The following CAST variants were observed in gnomAD, a reference collection of about 807,000 sequenced individuals.
CAST encodes the protein MIR583 host.
Under a neutral mutation model 119.6 loss-of-function variants are expected in CAST, and 76 were observed. That is an observed-to-expected ratio of 0.64 (90% CI 0.53 to 0.77). CAST has a LOEUF of 0.77. Ranked by LOEUF, CAST falls within the 30% of genes least tolerant of loss-of-function variation. The pLI, the probability that CAST is intolerant of heterozygous loss-of-function variation, is 0.00. For missense variants in CAST, 953 were observed against 946.5 expected, an observed-to-expected ratio of 1.01 and a Z score of -0.09; for synonymous variants, 319 against 331.6, an observed-to-expected ratio of 0.96 and a Z score of 0.41.
At chr5:96,367,575 G>T in the CAST span, among the ~76,000 whole-genome samples, 1 of 152,136 alleles carries the variant, frequency 6.6e-6, no homozygotes, top group African/African-American at 2.4e-5. Context: ...ATCTCAGACT[G>T]CTGTGCTGGC....
At chr5:96,585,805 C>G (rs1304870480) in intron 1 of CAST, among the ~76,000 whole-genome samples, 1 of 152,124 alleles carries the variant, frequency 6.6e-6, no homozygotes, top group African/African-American at 2.4e-5. Context: ...AAATAATAGC[C>G]AAGCAATGGT....
At chr5:96,210,548 G>A in the CAST span, among the ~76,000 whole-genome samples, 152 of 152,046 alleles carry the variant, frequency 1.0e-3, 4 homozygotes, top group East Asian at 0.026. Context: ...ACTGATATAT[G>A]TGTCTGCCCT....
the CAST span, among the ~76,000 whole-genome samples, chr5:96,092,027 A>G: frequency 6.6e-6 from 1 of 152,186 alleles, no homozygotes; most frequent in Non-Finnish European, 1.5e-5. Flanking sequence ...CACTTGATGA[A>G]TAAATGAGTG....
chr5:95,964,517 G>A, the CAST span, among the ~76,000 whole-genome samples: 1 of 152,194 alleles, frequency 6.6e-6, no homozygotes, highest in African/African-American at 2.4e-5. Context: ...AATTTGGACG[G>A]TGTTGGTGAT....
chr5:96,601,249 T>C (rs1015559397), intron 1 of CAST, among the ~76,000 whole-genome samples: 2 of 152,230 alleles, frequency 1.3e-5, no homozygotes, highest in African/African-American at 4.8e-5. Context: ...GAATTTATTG[T>C]GTCTATCACA....
At chr5:96,453,134 G>A in the CAST span, among the ~76,000 whole-genome samples, 46 of 152,172 alleles carry the variant, frequency 3.0e-4, no homozygotes, top group African/African-American at 8.9e-4. Flanking sequence ...GACCTGCAAG[G>A]TGTGATGAAA....
rs562985393 is a variant in CAST at position 96,695,918 on chromosome 5, T to C, written c.210+11T>C. ...GCCTCGGCCACCAAGGTCAGTGATTTCCTGAACACGAAAAGACCCCTACTG... is the reference window on the plus strand; with the variant it reads ...GCCTCGGCCACCAAGGTCAGTGATTCCCTGAACACGAAAAGACCCCTACTG... On this transcript the variant is annotated intron_variant, in intron 3 of 31. Transcript: ENST00000675179. The C allele has an allele frequency of 6.4e-5, 103 of 1,603,798 alleles. No homozygotes were observed. The Admixed American group carries it at 1.7e-3, about 27-fold the overall frequency.
At chr5:96,418,137 T>C in the CAST span, among the ~76,000 whole-genome samples, 1 of 152,218 alleles carries the variant, frequency 6.6e-6, no homozygotes, top group Non-Finnish European at 1.5e-5. Context: ...TGCAGGAGGA[T>C]CATGGTACAA....
chr5:96,332,887 T>C, the CAST span, among the ~76,000 whole-genome samples: 2 of 152,134 alleles, frequency 1.3e-5, no homozygotes, highest in African/African-American at 2.4e-5. Flanking sequence ...TCCACACAAA[T>C]TGGTCTCCTG....
the CAST span, among the ~76,000 whole-genome samples, chr5:96,200,831 A>G: frequency 7.2e-5 from 11 of 152,280 alleles, no homozygotes; most frequent in Admixed American, 3.9e-4. Flanking sequence ...ACAGCACTAG[A>G]CACCCTTAGC....
At chr5:95,985,801 T>G in the CAST span, among the ~76,000 whole-genome samples, 2 of 152,164 alleles carry the variant, frequency 1.3e-5, no homozygotes, top group Non-Finnish European at 2.9e-5. Flanking sequence ...CGTATTACTA[T>G]TAAAGAAAAA....
rs925243239 is a variant in CAST, at chr5:96,543,388, G to T, written c.60+13508G>T. On this transcript the variant is annotated intron_variant, in intron 1 of 11. Transcript: ENST00000505143. ...CACACACTGGGGCCTGTGGGGCTTG[G>T]GGGGCAAGGGGAGGGATAACATTAG... 3.3e-5 allele frequency among the ~76,000 whole-genome samples: 5 copies of T among 152,068 alleles called. No homozygotes were observed. The East Asian group carries it at 9.6e-4, about 29-fold the overall frequency.
At chr5:96,034,775 C>T in the CAST span, among the ~76,000 whole-genome samples, 1 of 151,108 alleles carries the variant, frequency 6.6e-6, no homozygotes, top group Non-Finnish European at 1.5e-5. Context: ...ACACCCACTC[C>T]AACCACCCCG....
chr5:96,069,377 GTGTGTC>G, the CAST span, among the ~76,000 whole-genome samples: 2 of 130,952 alleles, frequency 1.5e-5, no homozygotes, highest in African/African-American at 5.6e-5. Context: ...GTGTGTGTGT[GTGTGTC>G]TATGTGTGTG....
chr5:96,634,571 T>C (rs892437664), intron 1 of CAST, among the ~76,000 whole-genome samples: 2 of 152,224 alleles, frequency 1.3e-5, no homozygotes, highest in African/African-American at 2.4e-5. Context: ...CCTCATTTCC[T>C]GAATCTTTCC....
the CAST span, among the ~76,000 whole-genome samples, chr5:96,200,591 G>A: frequency 2.2e-4 from 34 of 152,200 alleles, no homozygotes; most frequent in Middle Eastern, 3.4e-3. Context: ...TTAGATACAG[G>A]ATATCCTTTA....
At chr5:96,133,711 A>G in the CAST span, among the ~76,000 whole-genome samples, 3 of 152,186 alleles carry the variant, frequency 2.0e-5, no homozygotes, top group Non-Finnish European at 4.4e-5. Context: ...TGGTCTAGGC[A>G]AGTGTTTATA....
the CAST span, among the ~76,000 whole-genome samples, chr5:96,460,382 G>T: frequency 6.6e-6 from 1 of 152,022 alleles, no homozygotes; most frequent in Admixed American, 6.6e-5. Flanking sequence ...CTGTCAGGTG[G>T]TTGGAGGGCA....
chr5:96,595,961 C>T (rs1235470035), intron 1 of CAST, among the ~76,000 whole-genome samples: 1 of 152,054 alleles, frequency 6.6e-6, no homozygotes, highest in Non-Finnish European at 1.5e-5. Flanking sequence ...AATATTCAAT[C>T]CACTCAGGAG....
Sources: gnomAD v4.1 joint callset for allele counts (sites outside exome capture counted in the v4.1 genomes callset) on GRCh38, gnomAD v4.1.1 for gene constraint, MANE v1.5 for transcripts, NCBI Gene and HGNC (gene_info 2026-07-23, HGNC 2026-07-21) for gene names.